ADGRV1: variants seen among roughly 807,000 people sequenced by gnomAD.
ADGRV1 encodes the protein adhesion G protein-coupled receptor V1.
In ADGRV1, 359 loss-of-function variants were observed where a neutral mutation model predicts 596.2. The observed-to-expected ratio is 0.60, with a 90% CI of 0.55 to 0.66. The LOEUF (loss-of-function observed/expected upper bound fraction) is 0.66, where lower values mean the gene tolerates loss of function less well. Among genes scored for constraint, ADGRV1 ranks in the 30% least tolerant of loss-of-function variants. The probability of loss-of-function intolerance (pLI) is 0.00; values close to 1 mark genes in which losing one functional copy is unlikely to be tolerated. For missense variants in ADGRV1, 7,274 were observed against 7,575.6 expected, an observed-to-expected ratio of 0.96 and a Z score of 1.48; for synonymous variants, 2,681 against 2,679.2, an observed-to-expected ratio of 1.00 and a Z score of -0.02.
rs1292590308 is a variant in ADGRV1 at position 90,732,538 on chromosome 5, C to T, written c.10549+2774C>T. 1.3e-5 allele frequency among the ~76,000 whole-genome samples: 2 copies of T among 152,088 alleles called. 1 individual carries two copies. Among genetic ancestry groups the T allele is most frequent in the Non-Finnish European group, 2.9e-5 (2 of 68,030 alleles). ...ATTATTGTTAACTATAGTTATTATG[C>T]TGTAGATTAGGTCCACAGAAATTAC... On this transcript the variant is annotated intron_variant, in intron 50 of 89. Coordinates refer to ENST00000405460, the MANE Select transcript of ADGRV1 (RefSeq NM_032119.4).
Position 90,614,955 on chromosome 5 carries a change from C to T in ADGRV1, c.143C>T (p.Thr48Ile), listed in dbSNP as rs1339448033. The T allele has an allele frequency of 6.3e-7, 1 of 1,583,456 alleles. No homozygotes were observed. The highest frequency in any genetic ancestry group is 1.7e-5 in the Admixed American group (1 of 57,460). ...GAATTTGTTGTTAATGAAACAAGTACAACAGTTATTCGTCTTATCATTGAA... is the reference window on the plus strand; with the variant it reads ...GAATTTGTTGTTAATGAAACAAGTATAACAGTTATTCGTCTTATCATTGAA... ...QTEFVVNETS[T>I]TVIRLIIERI... The change falls in exon 2 of 90, where the codon ACA becomes ATA. Residue 48 changes from threonine to isoleucine, a missense_variant. Thr to Ile is a moderately conservative substitution (Grantham distance 89). Coordinates refer to ENST00000405460, the MANE Select transcript of ADGRV1 (RefSeq NM_032119.4).
At chr5:90,727,105 G>A (rs1306102154) in intron 48 of ADGRV1, among the ~76,000 whole-genome samples, 1 of 152,006 alleles carries the variant, frequency 6.6e-6, no homozygotes, top group Admixed American at 6.6e-5. Flanking sequence ...TATTAGTGGG[G>A]GGGATGGGGT....
At chr5:90,764,722 C>T (rs147830827) in intron 59 of ADGRV1, among the ~76,000 whole-genome samples, 330 of 152,254 alleles carry the variant, frequency 2.2e-3, no homozygotes, top group South Asian at 4.8e-3. Context: ...AACGTCAGAG[C>T]CAGTTGTGGG....
intron 9 of ADGRV1, among the ~76,000 whole-genome samples, chr5:90,634,503 TA>T (rs1203222386): frequency 6.6e-6 from 1 of 152,212 alleles, no homozygotes; most frequent in Middle Eastern, 3.2e-3. Flanking sequence ...TCTTTAAATG[TA>T]AAGATGCATG....
intron 59 of ADGRV1, among the ~76,000 whole-genome samples, chr5:90,768,197 GAGTACTGC>G (rs1757342292): frequency 1.3e-5 from 2 of 152,156 alleles, no homozygotes; most frequent in African/African-American, 2.4e-5. Flanking sequence ...TCCATTTTTA[GAGTACTGC>G]ATTAGGAGGC....
chr5:91,144,006 C>T (rs1324580686), intron 87 of ADGRV1, among the ~76,000 whole-genome samples: 1 of 152,184 alleles, frequency 6.6e-6, no homozygotes, highest in African/African-American at 2.4e-5. Flanking sequence ...TTGGCCTCAA[C>T]TTTGCTGTGA....
intron 83 of ADGRV1, among the ~76,000 whole-genome samples, chr5:90,882,307 A>G (rs905504505): frequency 6.6e-6 from 1 of 152,188 alleles, no homozygotes; most frequent in African/African-American, 2.4e-5. Flanking sequence ...TTTGAAAGAG[A>G]AGAAAGGAAA....
chr5:90,742,712 C>T (rs4916818), intron 50 of ADGRV1, among the ~76,000 whole-genome samples: 30,306 of 151,878 alleles, frequency 0.2, 3,131 homozygotes, highest in East Asian at 0.31. Flanking sequence ...GAGCTGGAGG[C>T]GCATTCTTTA....
At chr5:90,811,855 AT>A (rs1214457424) in intron 74 of ADGRV1, among the ~76,000 whole-genome samples, 2 of 151,178 alleles carry the variant, frequency 1.3e-5, no homozygotes, top group East Asian at 1.9e-4. Context: ...AATTTTAATA[AT>A]TTTTTTGTTT....
intron 74 of ADGRV1, among the ~76,000 whole-genome samples, chr5:90,815,141 C>T (rs976966691): frequency 4.6e-5 from 7 of 152,004 alleles, no homozygotes; most frequent in African/African-American, 1.7e-4. Flanking sequence ...AATCAAACGT[C>T]TTATGTGAAG....
In ADGRV1 at chr5:90,788,303, C is replaced by T. The variant is rs199678009; in HGVS notation, c.13886C>T (p.Thr4629Ile). 6.2e-7 allele frequency: 1 copy of T among 1,610,028 alleles called. No homozygotes were observed. Among genetic ancestry groups the T allele is most frequent in the East Asian group, 2.2e-5 (1 of 44,820 alleles). ...AKLDSRAKDVTLTIQEFGDPN... is the reference protein window; with the variant it reads ...AKLDSRAKDVILTIQEFGDPN... ...TTAGACTCCAGAGCTAAAGATGTTA[C>T]ATTAACCGTATGTATGGCTTTATTT... The change falls in exon 68 of 90, where the codon ACA becomes ATA. Residue 4629 changes from threonine (T) to isoleucine (I), a missense_variant. By Grantham distance (89) the Thr-to-Ile change is moderately conservative. Coordinates refer to ENST00000405460, the MANE Select transcript of ADGRV1 (RefSeq NM_032119.4).
chr5:90,694,119 T>C lies in ADGRV1; in HGVS notation c.7363T>C (p.Phe2455Leu), dbSNP rs1160694064. 2 of 1,613,740 alleles carry C rather than the reference T, an allele frequency of 1.2e-6. No individual in the cohort carries two copies. The highest frequency in any genetic ancestry group is 1.3e-5 in the African/African-American group (1 of 74,940). The change falls in exon 33 of 90, where the codon TTC (phenylalanine) becomes CTC (leucine). Residue 2455 changes from phenylalanine to leucine, a missense_variant. Physicochemically the swap from Phe to Leu is conservative, Grantham distance 22. Transcript: ENST00000405460. ...ACAAGCTTGCTCAGCGTTTTCATTT[T>C]TCAGTGCTTCTGAGGGTCCCCAGTG... The part of the protein sequence containing the change: ...KEQACSAFSF[F>L]SASEGPQCFW...
rs1791450370 is a variant in ADGRV1 at position 91,102,281 on chromosome 5, C to T, written c.18373C>T (p.His6125Tyr). Residue 6125 changes from histidine (H) to tyrosine (Y), a missense_variant, in exon 87 of 90, where the codon CAC becomes TAC. His to Tyr is a moderately conservative substitution (Grantham distance 83). Coordinates refer to ENST00000405460, the MANE Select transcript of ADGRV1 (RefSeq NM_032119.4). Reference protein sequence around the residue: ...ISVTWLWGGLHMAYRHFWMLV... With the variant: ...ISVTWLWGGLYMAYRHFWMLV... ...CGTGACATGGCTTTGGGGAGGACTA[C>T]ACATGGCCTACAGACACTTCTGGAT... The T allele has an allele frequency of 6.2e-7, 1 of 1,610,516 alleles. No individual in the cohort carries two copies. The highest frequency in any genetic ancestry group is 8.5e-7 in the Non-Finnish European group (1 of 1,177,988).
intron 67 of ADGRV1, 115 bp downstream of exon 67, chr5:90,784,172 A>G (rs1250693327): frequency 1.5e-5 from 10 of 689,486 alleles, no homozygotes; most frequent in Non-Finnish European, 2.4e-5. Flanking sequence ...ATATTTATTA[A>G]TTATCTTGTA....
chr5:91,044,015 G>A (rs1785585309), intron 85 of ADGRV1, among the ~76,000 whole-genome samples: 1 of 152,022 alleles, frequency 6.6e-6, no homozygotes, highest in Non-Finnish European at 1.5e-5. Context: ...GTCTAGAACA[G>A]TGTCTGGAAT....
chr5:90,884,464 T>G (rs1160593316), intron 83 of ADGRV1, among the ~76,000 whole-genome samples: 1 of 152,200 alleles, frequency 6.6e-6, no homozygotes, highest in Non-Finnish European at 1.5e-5. Flanking sequence ...ATTAAATTGC[T>G]TCTGACTTGT....
intron 83 of ADGRV1, among the ~76,000 whole-genome samples, chr5:90,961,030 C>T (rs1777959607): frequency 6.6e-6 from 1 of 152,126 alleles, no homozygotes; most frequent in African/African-American, 2.4e-5. Context: ...ATACTTGTCA[C>T]ATTTTATTGT....
At chr5:90,595,641 G>C in intron 1 of ADGRV1, among the ~76,000 whole-genome samples, 1 of 135,224 alleles carries the variant, frequency 7.4e-6, no homozygotes. Flanking sequence ...TCCCGGACGG[G>C]GCGGCTGGCC....
Position 90,936,694 on chromosome 5 carries a change from C to T in ADGRV1, c.17857-28721C>T, listed in dbSNP as rs150872203. 2.2e-3 allele frequency among the ~76,000 whole-genome samples: 337 copies of T among 151,854 alleles called. 2 individuals carry two copies. The highest frequency in any genetic ancestry group is 0.014 in the East Asian group (71 of 5,174). On this transcript the variant is annotated intron_variant, in intron 83 of 89. Transcript: ENST00000405460. ...GTCTAAATTTACCTTTAAGTATCAC[C>T]GTAGCTGCTTTCCAACAAATTTTAG...
Sources: allele counts gnomAD v4.1 joint callset (sites outside exome capture counted in the v4.1 genomes callset), GRCh38; gene constraint gnomAD v4.1.1; transcripts MANE v1.5; gene names NCBI Gene and HGNC (gene_info 2026-07-23, HGNC 2026-07-21).